MOV10L1: variants seen among roughly 807,000 people sequenced by gnomAD.
MOV10L1 encodes the protein RNA helicase Mov10l1.
A neutral mutation model predicts 143.8 loss-of-function variants in MOV10L1; 110 were observed. That is an observed-to-expected ratio of 0.76 (90% CI 0.66 to 0.90). MOV10L1 has a LOEUF of 0.90. Ranked by LOEUF, MOV10L1 falls within the 40% of genes least tolerant of loss-of-function variation. The pLI is 0.00. For missense variants in MOV10L1, 1,406 were observed against 1,526.8 expected, an observed-to-expected ratio of 0.92 and a Z score of 1.32; for synonymous variants, 593 against 581.1, an observed-to-expected ratio of 1.02 and a Z score of -0.29.
At chr22:50,108,903 G>A (rs1027203902) in intron 5 of MOV10L1, 59 bp downstream of exon 5, 1 of 1,535,580 alleles carries the variant, frequency 6.5e-7, no homozygotes, top group South Asian at 1.2e-5. Context: ...CTAGCACTTT[G>A]GGAGGCTGAG....
chr22:50,146,803 C>T (rs1033821429), intron 19 of MOV10L1, among the ~76,000 whole-genome samples: 23 of 152,162 alleles, frequency 1.5e-4, no homozygotes, highest in African/African-American at 5.1e-4. Flanking sequence ...GTTTCATCGG[C>T]GCGTTTAACT....
chr22:50,148,677 T>G (rs1047270310), intron 19 of MOV10L1, among the ~76,000 whole-genome samples: 5 of 151,438 alleles, frequency 3.3e-5, no homozygotes, highest in African/African-American at 4.8e-5. Context: ...TTTTTTTTTT[T>G]TTATGAGATG....
chr22:50,115,401 C>A (rs2062145230), intron 8 of MOV10L1, among the ~76,000 whole-genome samples, 155 bp downstream of exon 8: 1 of 152,088 alleles, frequency 6.6e-6, no homozygotes, highest in Admixed American at 6.6e-5. Context: ...CCCGCCTCTA[C>A]TAAAAATACA....
chr22:50,096,418 T>G (rs564438176), intron 2 of MOV10L1: 1 of 152,386 alleles, frequency 6.6e-6, no homozygotes, highest in East Asian at 1.9e-4. Flanking sequence ...TTGTTTCTAC[T>G]TTTTGGTTGT....
Position 50,115,220 on chromosome 22 carries a change from C to T in MOV10L1, c.1233C>T (p.Thr411=), listed in dbSNP as rs1237060901. ...PGGLVPPGGK[T]FIVVICDGKN... is the part of the protein sequence containing the mutation. ...GGCTTGTCCCTCCAGGGGGAAAAACCTTCATTGTGGTCATCTGTGACGGAA... is the reference window on the plus strand; with the variant it reads ...GGCTTGTCCCTCCAGGGGGAAAAACTTTCATTGTGGTCATCTGTGACGGAA... The change falls in exon 8 of 27, where the codon ACC becomes ACT. Residue 411 remains threonine (T), a synonymous_variant. Coordinates refer to ENST00000262794, the MANE Select transcript of MOV10L1 (RefSeq NM_018995.3). 6.5e-7 allele frequency: 1 copy of T among 1,536,750 alleles called. No individual in the cohort carries two copies. Among genetic ancestry groups the T allele is most frequent in the Non-Finnish European group, 8.7e-7 (1 of 1,152,654 alleles).
intron 8 of MOV10L1, among the ~76,000 whole-genome samples, chr22:50,116,702 G>A (rs1387018086): frequency 4.5e-5 from 5 of 111,298 alleles, no homozygotes; most frequent in Non-Finnish European, 8.5e-5. Flanking sequence ...GTCTCACTCT[G>A]TTGCCCAGGC....
chr22:50,097,162 G>C (rs1438223266), intron 2 of MOV10L1, among the ~76,000 whole-genome samples: 1 of 152,088 alleles, frequency 6.6e-6, no homozygotes, highest in Non-Finnish European at 1.5e-5. Flanking sequence ...GCCCAGGCTG[G>C]AGTGCAGCAG....
intron 12 of MOV10L1, 146 bp from the exon 13 acceptor site, chr22:50,128,270 G>A: frequency 3.4e-6 from 2 of 586,952 alleles, no homozygotes; most frequent in Non-Finnish European, 6.2e-6. Context: ...ATAATCGAAT[G>A]GCGTAATGAT....
In MOV10L1 at chr22:50,158,300, G is replaced by T; in HGVS notation, c.3216+94G>T. 2.7e-6 allele frequency: 4 copies of T among 1,486,404 alleles called. No homozygotes were observed. The highest frequency in any genetic ancestry group is 2.7e-6 in the Non-Finnish European group (3 of 1,092,122). 92.1% of individuals were successfully genotyped at this position (1,486,404 alleles called of 1,614,324 possible). On this transcript the variant is annotated intron_variant, in intron 23 of 26. Transcript: ENST00000262794. The surrounding 1 kb of genome is among the most constrained non-coding windows in gnomAD (Gnocchi z 5.0). ...CCACAGAGGCAGGAACAAGCTCCTT[G>T]TGAGCAGCAGCAGGTTTTTAAAGGG... is the stretch of plus-strand genomic sequence containing the variant.
At chr22:50,111,954 C>CTGGGCCTCTGGG (rs1352418374) in intron 5 of MOV10L1, among the ~76,000 whole-genome samples, 1 of 152,218 alleles carries the variant, frequency 6.6e-6, no homozygotes, top group Non-Finnish European at 1.5e-5. Flanking sequence ...TGGTGCCTGG[C>CTGGGCCTCTGGG]TGGGCCTCTG....
Position 50,092,186 on chromosome 22 carries a change from G to A in MOV10L1, c.282+1G>A, listed in dbSNP as rs368037488. Reference sequence around the variant, plus strand: ...GTCCAATGGACTGAAAGCAATCAGGGTAAGGTTTGAGTTCATTTGGGAACA... The same window carrying A: ...GTCCAATGGACTGAAAGCAATCAGGATAAGGTTTGAGTTCATTTGGGAACA... On this transcript the variant is annotated splice_donor_variant, in intron 2 of 26. Transcript: ENST00000262794. LOFTEE classifies it high-confidence loss of function. 6 of 1,612,116 alleles carry A rather than the reference G, an allele frequency of 3.7e-6. No homozygotes were observed. Among genetic ancestry groups the A allele is most frequent in the Admixed American group, 1.7e-5 (1 of 59,668 alleles).
Position 50,150,898 on chromosome 22 carries a change from T to C in MOV10L1, c.2891T>C (p.Leu964Ser), listed in dbSNP as rs1445530840. The change falls in exon 21 of 27, where the codon TTG (leucine) becomes TCG (serine). Residue 964 changes from leucine (L) to serine (S), a missense_variant and splice_region_variant. Leu to Ser is a moderately radical substitution (Grantham distance 145). Coordinates refer to ENST00000262794, the MANE Select transcript of MOV10L1 (RefSeq NM_018995.3). ...FGACGAHNPL[L>S]VTKLVKNYRS... ...GCTTGTGGCGCACATAATCCCCTGT[T>C]GGTGAGTCACAGACTCCAGCGCGTT... is the stretch of plus-strand genomic sequence containing the variant. The C allele has an allele frequency of 5.0e-6, 8 of 1,614,148 alleles. No homozygotes were observed. The highest frequency in any genetic ancestry group is 6.8e-6 in the Non-Finnish European group (8 of 1,180,022).
chr22:50,149,570 A>C (rs765435997), intron 19 of MOV10L1, 45 bp from the exon 20 acceptor site: 3 of 1,593,202 alleles, frequency 1.9e-6, no homozygotes, highest in Non-Finnish European at 2.6e-6. Flanking sequence ...ATCAATTGCT[A>C]AAACAATTCG....
At position 50,102,508 on chromosome 22, in the gene MOV10L1, C is replaced by T. The variant is rs574168620; in HGVS notation, c.442+2906C>T. Among the ~76,000 whole-genome samples the T allele has an allele frequency of 6.4e-4, 98 of 152,282 alleles. 1 individual carries two copies. Among genetic ancestry groups the T allele is most frequent in the African/African-American group, 2.3e-3 (94 of 41,548 alleles). On this transcript the variant is annotated intron_variant, in intron 3 of 26. Transcript: ENST00000262794. The stretch of plus-strand genomic sequence containing the variant: ...TCAGAAGATGCTGTTTCCTTCTTGA[C>T]GTTAATTCAACAAATTATTAGAGTG...
chr22:50,091,875 T>C, intron 1 of MOV10L1, 126 bp from the exon 2 acceptor site: 1 of 836,856 alleles, frequency 1.2e-6, no homozygotes, highest in Middle Eastern at 2.6e-4. Context: ...AGTCAGCCCG[T>C]TCGGAGTCAG....
intron 16 of MOV10L1, among the ~76,000 whole-genome samples, chr22:50,142,423 T>G (rs1261683424): frequency 6.6e-6 from 1 of 152,172 alleles, no homozygotes; most frequent in Non-Finnish European, 1.5e-5. Flanking sequence ...GATGTGGACA[T>G]TTTTTAATCC....
Position 50,116,050 on chromosome 22 carries a change from G to C in MOV10L1, c.1259+804G>C, listed in dbSNP as rs78659187. 1.1e-3 allele frequency among the ~76,000 whole-genome samples: 169 copies of C among 152,304 alleles called. 2 individuals carry two copies. The East Asian group carries it at 0.026, about 23-fold the overall frequency. On this transcript the variant is annotated intron_variant, in intron 8 of 26. Transcript: ENST00000262794. ...CCCTGCATCCCTGCCTAAGCTGCCCGACAGTGCGTGATAGCCTTCCAGCTG... is the reference window on the plus strand; with the variant it reads ...CCCTGCATCCCTGCCTAAGCTGCCCCACAGTGCGTGATAGCCTTCCAGCTG...
rs749492339 is a variant in MOV10L1 at position 50,158,236 on chromosome 22, G to T, written c.3216+30G>T. The T allele has an allele frequency of 1.9e-6, 3 of 1,613,438 alleles. No homozygotes were observed. Among genetic ancestry groups the T allele is most frequent in the Non-Finnish European group, 2.5e-6 (3 of 1,179,762 alleles). On this transcript the variant is annotated intron_variant, in intron 23 of 26. Transcript: ENST00000262794. This position sits in a 1 kb window ranked among gnomAD's most constrained non-coding sequence, Gnocchi z 5.0. Reference sequence around the variant, plus strand: ...GCCCTGCCCAGGCACGCCTGGTTCTGTGAGGTCCCTGCAGCCCTGCTCCTT... The same window carrying T: ...GCCCTGCCCAGGCACGCCTGGTTCTTTGAGGTCCCTGCAGCCCTGCTCCTT...
rs958942647 is a variant in MOV10L1 at position 50,127,137 on chromosome 22, G to C, written c.1818+865G>C. Among the ~76,000 whole-genome samples, 3 of 152,130 alleles carry C rather than the reference G, an allele frequency of 2.0e-5. No individual in the cohort carries two copies. The South Asian group carries it at 6.2e-4, about 31-fold the overall frequency. On this transcript the variant is annotated intron_variant, in intron 12 of 26. Transcript: ENST00000262794. ...TTGCTGTTGACCAAGTTGACATGAG[G>C]AGCCCAAGATGGCCGAATGACCATC...
Sources: gnomAD v4.1 joint callset for allele counts (sites outside exome capture counted in the v4.1 genomes callset) on GRCh38, gnomAD v4.1.1 for gene constraint, Gnocchi (gnomAD v3.1) non-coding constraint, MANE v1.5 for transcripts, NCBI Gene and HGNC (gene_info 2026-07-23, HGNC 2026-07-21) for gene names.